The following CACNA2D3 variants were observed in gnomAD, a reference collection of about 807,000 sequenced individuals.
CACNA2D3 encodes voltage-dependent calcium channel subunit alpha-2/delta-3.
Under a neutral mutation model 160.6 loss-of-function variants are expected in CACNA2D3, and 60 were observed. That is an observed-to-expected ratio of 0.37 (90% CI 0.30 to 0.46). CACNA2D3 has a LOEUF of 0.46. Ranked by LOEUF, CACNA2D3 falls within the 20% of genes least tolerant of loss-of-function variation. The pLI is 1.00. For missense variants in CACNA2D3, 1,205 were observed against 1,365.0 expected (o/e 0.88, Z 1.85); for synonymous variants, 558 against 492.9 (o/e 1.13, Z -1.75).
At chr3:54,913,094 TG>T (rs1381748430) in intron 27 of CACNA2D3, among the ~76,000 whole-genome samples, 8 of 152,152 alleles carry the variant, frequency 5.3e-5, no homozygotes, top group African/African-American at 1.7e-4. Context: ...TGTTTTGTGT[TG>T]TTTTTTTGAG....
intron 14 of CACNA2D3, among the ~76,000 whole-genome samples, chr3:54,830,956 C>T (rs1232511889): frequency 6.6e-6 from 1 of 152,034 alleles, no homozygotes; most frequent in African/African-American, 2.4e-5. Flanking sequence ...GCTGCGTATT[C>T]ACAAGTTATA....
At chr3:54,399,752 A>C (rs1699413172) in intron 4 of CACNA2D3, among the ~76,000 whole-genome samples, 1 of 78,842 alleles carries the variant, frequency 1.3e-5, no homozygotes, top group Non-Finnish European at 2.5e-5. Flanking sequence ...AAGTCTGCAG[A>C]GGTTACTGCT....
intron 2 of CACNA2D3, among the ~76,000 whole-genome samples, chr3:54,168,150 T>C (rs971962221): frequency 1.3e-5 from 2 of 152,214 alleles, no homozygotes; most frequent in African/African-American, 4.8e-5. Context: ...ATTTGATTCC[T>C]TGTGACTGAA....
intron 27 of CACNA2D3, among the ~76,000 whole-genome samples, chr3:54,932,253 G>A (rs79032919): frequency 0.033 from 5,047 of 152,160 alleles, 251 homozygotes; most frequent in African/African-American, 0.11. Context: ...TCATAATAAA[G>A]TGGGAGGCAA....
At chr3:54,504,203 C>T (rs1421432846) in intron 5 of CACNA2D3, among the ~76,000 whole-genome samples, 1 of 152,178 alleles carries the variant, frequency 6.6e-6, no homozygotes, top group African/African-American at 2.4e-5. Flanking sequence ...CAGCATGGAC[C>T]TTAACAGAAT....
intron 2 of CACNA2D3, among the ~76,000 whole-genome samples, chr3:54,124,690 T>C (rs1250056110): frequency 6.6e-6 from 1 of 152,182 alleles, no homozygotes; most frequent in South Asian, 2.1e-4. Flanking sequence ...AATCCAAATA[T>C]CGTAATAAAG....
At chr3:55,001,092 G>A (rs1035769662) in intron 31 of CACNA2D3, among the ~76,000 whole-genome samples, 3 of 152,118 alleles carry the variant, frequency 2.0e-5, no homozygotes, top group Non-Finnish European at 2.9e-5. Context: ...GGAGTACCTC[G>A]CTTATGGTTG....
At chr3:54,336,600 T>C (rs554324372) in intron 3 of CACNA2D3, among the ~76,000 whole-genome samples, 17 of 152,118 alleles carry the variant, frequency 1.1e-4, no homozygotes, top group African/African-American at 3.9e-4. Flanking sequence ...CCTTTTAAAG[T>C]GGAAGTTATA....
chr3:54,909,165 T>C (rs888633383), intron 27 of CACNA2D3, among the ~76,000 whole-genome samples: 1 of 152,204 alleles, frequency 6.6e-6, no homozygotes, highest in African/African-American at 2.4e-5. Flanking sequence ...TCCTAAGCTT[T>C]CTAAAAATAT....
chr3:54,710,697 C>G (rs1464652921), intron 11 of CACNA2D3, among the ~76,000 whole-genome samples: 1 of 152,082 alleles, frequency 6.6e-6, no homozygotes, highest in East Asian at 1.9e-4. Context: ...TCATTTAGAC[C>G]AGAGGCTCCA....
chr3:55,026,614 G>T (rs954619792), intron 35 of CACNA2D3, among the ~76,000 whole-genome samples: 3 of 152,136 alleles, frequency 2.0e-5, no homozygotes, highest in African/African-American at 7.2e-5. Flanking sequence ...ATGCACACCC[G>T]GGCAGAGAGA....
intron 13 of CACNA2D3, among the ~76,000 whole-genome samples, chr3:54,772,019 G>A (rs1477583451): frequency 1.3e-5 from 2 of 151,874 alleles, no homozygotes; most frequent in Non-Finnish European, 2.9e-5. Context: ...TTTCCCAGAG[G>A]AGCCTGGTTC....
chr3:54,964,818 A>ATT (rs111676613), intron 27 of CACNA2D3, among the ~76,000 whole-genome samples: 37 of 144,390 alleles, frequency 2.6e-4, no homozygotes, highest in African/African-American at 9.3e-4. Flanking sequence ...GGTTATTCTT[A>ATT]TTTTTTTTTT....
At chr3:54,470,072 T>TA (rs1034735211) in intron 4 of CACNA2D3, among the ~76,000 whole-genome samples, 8 of 152,006 alleles carry the variant, frequency 5.3e-5, no homozygotes, top group African/African-American at 1.9e-4. Context: ...ATTTAGGAAA[T>TA]ACAGAGAACA....
rs142105297 is a variant in CACNA2D3 at position 54,242,826 on chromosome 3, G to A, written c.205-77616G>A. On this transcript the variant is annotated intron_variant, in intron 2 of 37. Transcript: ENST00000474759. ...AGAAAGCAAAACCGTGGATAAGGGGGACTACTAAGAAAACATTAGCAAGTC... is the reference window on the plus strand; with the variant it reads ...AGAAAGCAAAACCGTGGATAAGGGGAACTACTAAGAAAACATTAGCAAGTC... 5.2e-3 allele frequency among the ~76,000 whole-genome samples: 786 copies of A among 152,314 alleles called. 11 individuals are homozygous for A. Among genetic ancestry groups the A allele is most frequent in the Non-Finnish European group, 4.0e-3 (274 of 68,034 alleles).
intron 9 of CACNA2D3, among the ~76,000 whole-genome samples, chr3:54,602,408 G>A (rs1703077188): frequency 7.2e-6 from 1 of 138,786 alleles, no homozygotes; most frequent in Non-Finnish European, 1.5e-5. Context: ...TGAGGCAGGA[G>A]AATCACTTGA....
intron 2 of CACNA2D3, among the ~76,000 whole-genome samples, chr3:54,315,123 G>A (rs959756393): frequency 2.0e-5 from 3 of 152,206 alleles, no homozygotes; most frequent in Admixed American, 1.3e-4. Context: ...TTTCCTCCAG[G>A]TCTTTCTTGG....
intron 11 of CACNA2D3, among the ~76,000 whole-genome samples, chr3:54,676,668 T>G (rs1700250423): frequency 6.6e-6 from 1 of 152,168 alleles, no homozygotes. Flanking sequence ...AGAGACTGAA[T>G]CCACTTTCCC....
chr3:54,388,958 A>C (rs1001437405), intron 4 of CACNA2D3, among the ~76,000 whole-genome samples: 1 of 152,212 alleles, frequency 6.6e-6, no homozygotes, highest in African/African-American at 2.4e-5. Context: ...AATGAATAAA[A>C]TAAGAATCCA....
Sources: gnomAD v4.1 joint callset for allele counts (sites outside exome capture counted in the v4.1 genomes callset) on GRCh38, gnomAD v4.1.1 for gene constraint, MANE v1.5 for transcripts, NCBI Gene and HGNC (gene_info 2026-07-23, HGNC 2026-07-21) for gene names.